Variants in CHRM5 observed in about 807,000 individuals in gnomAD.
CHRM5 encodes the protein cholinergic receptor muscarinic 5.
In CHRM5, 18 loss-of-function variants were observed where a neutral mutation model predicts 39.0. That is an observed-to-expected ratio of 0.46 (90% confidence interval 0.32 to 0.68). The LOEUF (loss-of-function observed/expected upper bound fraction) is 0.68. Ranked by LOEUF, CHRM5 falls within the 30% of genes least tolerant of loss-of-function variation. CHRM5 has a pLI of 0.04. For missense variants in CHRM5, 515 were observed against 651.1 expected (o/e 0.79, Z 2.28); for synonymous variants, 241 against 246.3 (o/e 0.98, Z 0.20).
At chr15:33,998,440 TAAG>T (rs1237578769) in intron 1 of CHRM5, among the ~76,000 whole-genome samples, 1 of 152,016 alleles carries the variant, frequency 6.6e-6, no homozygotes, top group African/African-American at 2.4e-5. Flanking sequence ...CTAAGCAACA[TAAG>T]AAGACCCTGT....
intron 1 of CHRM5, among the ~76,000 whole-genome samples, chr15:34,025,709 G>A (rs1311779293): frequency 6.6e-6 from 1 of 151,770 alleles, no homozygotes. Context: ...CAAAGGTTCA[G>A]AAGAAAAAAA....
At chr15:34,035,751 C>T (rs144420967) in intron 1 of CHRM5, among the ~76,000 whole-genome samples, 11 of 152,164 alleles carry the variant, frequency 7.2e-5, no homozygotes, top group African/African-American at 2.6e-4. Flanking sequence ...ACTAAACAAT[C>T]CTAGTATTGG....
chr15:33,985,413 ATGCCCTCAGCTCAGTG>A, intron 1 of CHRM5, among the ~76,000 whole-genome samples: 1 of 74,586 alleles, frequency 1.3e-5, no homozygotes, highest in African/African-American at 5.8e-5. Flanking sequence ...AGCTGAGTGC[ATGCCCTCAGCTCAGTG>A]TTCCTTTTTC....
At chr15:34,062,352 G>T (rs1410914380) in intron 2 of CHRM5, among the ~76,000 whole-genome samples, 5 of 151,948 alleles carry the variant, frequency 3.3e-5, no homozygotes, top group Non-Finnish European at 5.9e-5. Context: ...TCAGGAGATC[G>T]AGACCATCCC....
chr15:34,053,319 A>ATATATATATAT (rs1555520677), intron 2 of CHRM5, among the ~76,000 whole-genome samples: 6 of 42,044 alleles, frequency 1.4e-4, no homozygotes, highest in African/African-American at 4.8e-4. Flanking sequence ...AAAAAAAAAA[A>ATATATATATAT]ATATATATAT....
intron 1 of CHRM5, among the ~76,000 whole-genome samples, chr15:34,032,513 G>A (rs1292621304): frequency 6.6e-6 from 1 of 152,126 alleles, no homozygotes. Flanking sequence ...GCAAATGATG[G>A]ATAGCCAGAA....
intron 1 of CHRM5, chr15:33,972,290 G>A (rs1567441269): frequency 6.6e-6 from 1 of 151,946 alleles, no homozygotes; most frequent in African/African-American, 2.4e-5. Context: ...TTTCACCTTG[G>A]TTCAAGCAGA....
Position 34,065,541 on chromosome 15 carries a change from G to A in CHRM5, c.*1225G>A, listed in dbSNP as rs1460614433. 1.3e-5 allele frequency: 2 copies of A among 152,064 alleles called. No homozygotes were observed. The highest frequency in any genetic ancestry group is 4.8e-5 in the African/African-American group (2 of 41,368). 9.4% of individuals were successfully genotyped at this position (152,064 alleles called of 1,614,324 possible). On this transcript the variant is annotated 3_prime_UTR_variant, in exon 3 of 3. Coordinates refer to ENST00000383263, the MANE Select transcript of CHRM5 (RefSeq NM_012125.4). ...ACTTCTTTATTCCTCTCCAAATTCG[G>A]TCACAAATGAGAAGGCCAGAAAAGC...
rs1437082144 is a variant in CHRM5, at chr15:34,065,368, TG to T, written c.*1053del. The T allele has an allele frequency of 6.6e-6, 1 of 152,266 alleles. No homozygotes were observed. The highest frequency in any genetic ancestry group is 2.4e-5 in the African/African-American group (1 of 41,474). 9.4% of individuals were successfully genotyped at this position (152,266 alleles called of 1,614,324 possible). A position where few individuals can be genotyped will look rare whatever the true frequency, so the allele number is the denominator to read the frequency against. ...TTTTGAATTTCTTCCAGAGCCCTTT[TG>T]CAGCCTCCAATTTCCCTTGTTCAGA... On this transcript the variant is annotated 3_prime_UTR_variant, in exon 3 of 3. Coordinates refer to ENST00000383263, the MANE Select transcript of CHRM5 (RefSeq NM_012125.4).
intron 1 of CHRM5, chr15:33,991,338 C>G (rs1289523516): frequency 6.6e-6 from 1 of 151,974 alleles, no homozygotes. Flanking sequence ...AAATTCAGAG[C>G]TAAGCAAGAG....
At chr15:33,973,187 CCTT>C (rs1274002555) in intron 1 of CHRM5, among the ~76,000 whole-genome samples, 4 of 152,130 alleles carry the variant, frequency 2.6e-5, no homozygotes, top group Admixed American at 2.0e-4. Flanking sequence ...ACTACGTGGG[CCTT>C]CTTATTTCCT....
Position 34,063,790 on chromosome 15 carries a change from C to A in CHRM5, c.1073C>A (p.Thr358Asn). The A allele has an allele frequency of 6.2e-7, 1 of 1,614,186 alleles. No homozygotes were observed. The highest frequency in any genetic ancestry group is 8.5e-7 in the Non-Finnish European group (1 of 1,180,034). The change falls in exon 3 of 3, where the codon ACC (threonine) becomes AAC (asparagine). Residue 358 changes from threonine to asparagine, a missense_variant. Coordinates refer to ENST00000383263, the MANE Select transcript of CHRM5 (RefSeq NM_012125.4). The surrounding 1 kb of genome is among the most constrained non-coding windows in gnomAD (Gnocchi z 4.1). ...KAETEKSDYD[T>N]PNYLLSPAAA... ...GAAACTGAAAAAAGTGACTATGACA[C>A]CCCAAACTACCTTCTGTCTCCAGCA...
chr15:34,017,928 A>G (rs561850392), intron 1 of CHRM5, among the ~76,000 whole-genome samples: 10 of 152,372 alleles, frequency 6.6e-5, no homozygotes, highest in African/African-American at 2.4e-4. Flanking sequence ...CATAGTGCAC[A>G]GCATTATTCA....
intron 1 of CHRM5, among the ~76,000 whole-genome samples, chr15:34,040,226 T>A (rs1210017019): frequency 6.6e-6 from 1 of 151,814 alleles, no homozygotes; most frequent in Non-Finnish European, 1.5e-5. Flanking sequence ...AGGAAGATAA[T>A]CTAGTCGTGT....
At position 34,063,647 on chromosome 15, in the gene CHRM5, G is replaced by T; in HGVS notation, c.930G>T (p.Glu310Asp). Residue 310 changes from glutamate (E) to aspartate (D), a missense_variant, in exon 3 of 3, where the codon GAG (glutamate) becomes GAT (aspartate). Glu to Asp is a conservative substitution (Grantham distance 45, BLOSUM62 2). Transcript: ENST00000383263. The surrounding 1 kb of genome is among the most constrained non-coding windows in gnomAD (Gnocchi z 4.1). ...CCTGTAGCAGCTACCCTTCCTCAGAGGATGAGGACAAGCCCGCCACTGACC... is the reference window on the plus strand; with the variant it reads ...CCTGTAGCAGCTACCCTTCCTCAGATGATGAGGACAAGCCCGCCACTGACC... ...LTTCSSYPSS[E>D]DEDKPATDPV... is the part of the protein sequence containing the mutation. 4 of 1,614,124 alleles carry T rather than the reference G, an allele frequency of 2.5e-6. No individual in the cohort carries two copies. The highest frequency in any genetic ancestry group is 3.4e-6 in the Non-Finnish European group (4 of 1,180,018).
intron 1 of CHRM5, among the ~76,000 whole-genome samples, chr15:33,987,268 T>C (rs1455302450): frequency 6.6e-6 from 1 of 152,226 alleles, no homozygotes; most frequent in Non-Finnish European, 1.5e-5. Flanking sequence ...ATATGTCACC[T>C]TTCTGTTGGA....
intron 1 of CHRM5, among the ~76,000 whole-genome samples, chr15:34,028,979 T>C (rs902347950): frequency 6.6e-6 from 1 of 152,176 alleles, no homozygotes; most frequent in Non-Finnish European, 1.5e-5. Flanking sequence ...TAGTTATTCA[T>C]TTGTCTATAA....
chr15:34,063,158 T>G lies in CHRM5; in HGVS notation c.441T>G (p.Ala147=). Residue 147 remains alanine, a synonymous_variant, in exon 3 of 3, where the codon GCT becomes GCG. Transcript: ENST00000383263. The surrounding 1 kb of genome is among the most constrained non-coding windows in gnomAD (Gnocchi z 4.1). ...TYRAKRTPKR[A]GIMIGLAWLI... ...GGGCCAAGCGTACTCCGAAAAGGGCTGGCATCATGATTGGCTTGGCCTGGC... is the reference window on the plus strand; with the variant it reads ...GGGCCAAGCGTACTCCGAAAAGGGCGGGCATCATGATTGGCTTGGCCTGGC... 6.2e-7 allele frequency: 1 copy of G among 1,614,194 alleles called. No individual in the cohort carries two copies. Among genetic ancestry groups the G allele is most frequent in the Non-Finnish European group, 8.5e-7 (1 of 1,180,036 alleles).
chr15:34,029,403 G>A (rs76402453), intron 1 of CHRM5, among the ~76,000 whole-genome samples: 3,316 of 151,818 alleles, frequency 0.022, 117 homozygotes, highest in African/African-American at 0.075. Context: ...TTTAGGAACC[G>A]GGCAAGGTGG....
Sources: gnomAD v4.1 joint callset for allele counts (sites outside exome capture counted in the v4.1 genomes callset) on GRCh38, gnomAD v4.1.1 for gene constraint, Gnocchi (gnomAD v3.1) non-coding constraint, MANE v1.5 for transcripts, NCBI Gene and HGNC (gene_info 2026-07-23, HGNC 2026-07-21) for gene names.